Variants in CYP7B1 observed in about 807,000 individuals in gnomAD.
The protein encoded by CYP7B1 is cytochrome P450 family 7 subfamily B member 1.
Under a neutral mutation model 42.7 loss-of-function variants are expected in CYP7B1, and 29 were observed. That is an observed-to-expected ratio of 0.68 (90% CI 0.51 to 0.93). The LOEUF is 0.93. Ranked by LOEUF, CYP7B1 falls within the 40% of genes least tolerant of loss-of-function variation. The pLI is 0.00. For synonymous variants in CYP7B1, 235 were observed against 218.2 expected (o/e 1.08, Z -0.68); for missense variants, 655 against 600.5 (o/e 1.09, Z -0.95).
At chr8:64,755,874 A>G (rs1807800518) in intron 1 of CYP7B1, among the ~76,000 whole-genome samples, 1 of 152,204 alleles carries the variant, frequency 6.6e-6, no homozygotes, top group African/African-American at 2.4e-5. Flanking sequence ...ATTTCACTTA[A>G]TTGGAATTCT....
At position 64,648,044 on chromosome 8, in the gene CYP7B1, C is replaced by T. The variant is rs560159408; in HGVS notation, c.123-23505G>A. ...CATTAATTCAAGCAATTACTCTATA[C>T]TCAATTTGTGTCAAGCACTATAATA... On this transcript the variant is annotated intron_variant, in intron 1 of 5. Transcript: ENST00000310193. Among the ~76,000 whole-genome samples the T allele has an allele frequency of 7.9e-5, 12 of 152,240 alleles. No homozygotes were observed. In the South Asian group the frequency reaches 2.3e-3, roughly 29 times the overall value.
At chr8:64,615,002 T>TAAGAA (rs1805412262) in intron 4 of CYP7B1, 24 bp downstream of exon 4, 1 of 1,612,534 alleles carries the variant, frequency 6.2e-7, no homozygotes, top group Non-Finnish European at 8.5e-7. Flanking sequence ...CTTCTTTTCT[T>TAAGAA]CATAACAGAT....
intron 1 of CYP7B1, among the ~76,000 whole-genome samples, chr8:64,664,634 T>C (rs1806248278): frequency 6.6e-6 from 1 of 152,172 alleles, no homozygotes; most frequent in African/African-American, 2.4e-5. Flanking sequence ...GCCCTGGAAC[T>C]GGGATTCTGT....
chr8:64,587,310 A>C (rs1174956512), downstream of CYP7B1, among the ~76,000 whole-genome samples: 1 of 152,234 alleles, frequency 6.6e-6, no homozygotes, highest in Non-Finnish European at 1.5e-5. Context: ...CCCTTCTCTC[A>C]GGACTTCCCC....
chr8:64,688,390 C>T (rs1047069171), intron 1 of CYP7B1, among the ~76,000 whole-genome samples: 1 of 150,962 alleles, frequency 6.6e-6, no homozygotes, highest in African/African-American at 2.4e-5. Flanking sequence ...CTCCCTCCCA[C>T]CCTCCTTCCC....
At chr8:64,652,760 C>CGTGAACCCGGGAGGCAGAGCTTGCA (rs1806059454) in intron 1 of CYP7B1, among the ~76,000 whole-genome samples, 1 of 152,092 alleles carries the variant, frequency 6.6e-6, no homozygotes, top group South Asian at 2.1e-4. Flanking sequence ...AGGAGAATGG[C>CGTGAACCCGGGAGGCAGAGCTTGCA]GTGAACCCGG....
At chr8:64,791,285 G>T (rs1259087033) in intron 1 of CYP7B1, among the ~76,000 whole-genome samples, 1 of 152,176 alleles carries the variant, frequency 6.6e-6, no homozygotes, top group African/African-American at 2.4e-5. Flanking sequence ...ATATCAAAAG[G>T]TATGGTAGGG....
intron 1 of CYP7B1, among the ~76,000 whole-genome samples, chr8:64,706,300 C>T (rs1430803344): frequency 2.0e-5 from 3 of 151,866 alleles, no homozygotes; most frequent in African/African-American, 7.3e-5. Flanking sequence ...GTAAAGTGTG[C>T]CAATAATGAG....
intron 1 of CYP7B1, 78 bp downstream of exon 1, chr8:64,798,388 G>C (rs910721536): frequency 2.8e-6 from 4 of 1,423,480 alleles, no homozygotes; most frequent in South Asian, 1.5e-5. Context: ...CATGGAGGGG[G>C]ACTCCCCTCG....
At chr8:64,667,968 T>C (rs1396173761) in intron 1 of CYP7B1, among the ~76,000 whole-genome samples, 2 of 152,238 alleles carry the variant, frequency 1.3e-5, no homozygotes, top group South Asian at 2.1e-4. Flanking sequence ...TCAAATTCTC[T>C]GTACAACTCT....
intron 1 of CYP7B1, among the ~76,000 whole-genome samples, chr8:64,667,110 T>G (rs1016952538): frequency 2.6e-5 from 4 of 152,120 alleles, no homozygotes; most frequent in African/African-American, 9.7e-5. Flanking sequence ...TTTTCCTTAA[T>G]TAAACAGAAC....
At chr8:64,706,724 A>C (rs1355969377) in intron 1 of CYP7B1, among the ~76,000 whole-genome samples, 1 of 152,012 alleles carries the variant, frequency 6.6e-6, no homozygotes, top group East Asian at 1.9e-4. Context: ...CTGAATCACC[A>C]CTGAGAGCAG....
intron 1 of CYP7B1, among the ~76,000 whole-genome samples, chr8:64,632,158 T>A (rs1408838655): frequency 6.6e-6 from 1 of 152,158 alleles, no homozygotes. Context: ...ATAGCTAACA[T>A]GTGGAACCAA....
intron 1 of CYP7B1, among the ~76,000 whole-genome samples, chr8:64,657,680 T>G: frequency 6.6e-6 from 1 of 152,226 alleles, no homozygotes; most frequent in East Asian, 1.9e-4. Context: ...AGAGACATTA[T>G]AGAATGGAGA....
intron 1 of CYP7B1, among the ~76,000 whole-genome samples, chr8:64,780,139 A>G (rs1804396679): frequency 6.6e-6 from 1 of 152,162 alleles, no homozygotes; most frequent in Admixed American, 6.6e-5. Context: ...TTTTAATGGA[A>G]CTGCAGAAAA....
At chr8:64,721,221 T>C (rs981746146) in intron 1 of CYP7B1, among the ~76,000 whole-genome samples, 2 of 152,088 alleles carry the variant, frequency 1.3e-5, no homozygotes, top group Admixed American at 1.3e-4. Flanking sequence ...CACCTATCTT[T>C]GTCGAAATTA....
chr8:64,791,911 T>C (rs1465867953), intron 1 of CYP7B1, among the ~76,000 whole-genome samples: 1 of 152,124 alleles, frequency 6.6e-6, no homozygotes, highest in African/African-American at 2.4e-5. Flanking sequence ...AATCTGGACG[T>C]CAACAACCCC....
intron 1 of CYP7B1, among the ~76,000 whole-genome samples, chr8:64,764,425 AAGAC>A (rs1465973294): frequency 6.6e-6 from 1 of 152,122 alleles, no homozygotes; most frequent in Non-Finnish European, 1.5e-5. Context: ...GGCAGAGAGA[AAGAC>A]AGAAAGGAAG....
At chr8:64,732,521 G>C (rs1807427685) in intron 1 of CYP7B1, among the ~76,000 whole-genome samples, 1 of 152,136 alleles carries the variant, frequency 6.6e-6, no homozygotes, top group African/African-American at 2.4e-5. Context: ...GAAGGGATTT[G>C]CCTTGTTTCA....
Sources: gnomAD v4.1 joint callset for allele counts (sites outside exome capture counted in the v4.1 genomes callset) on GRCh38, gnomAD v4.1.1 for gene constraint, MANE v1.5 for transcripts, NCBI Gene and HGNC (gene_info 2026-07-23, HGNC 2026-07-21) for gene names.